Variants in LRCH1 observed in about 807,000 individuals in gnomAD.
LRCH1 encodes leucine rich repeats and calponin homology domain containing 1.
A neutral mutation model predicts 94.9 loss-of-function variants in LRCH1; 23 were observed. The observed-to-expected ratio is 0.24, with a 90% CI of 0.17 to 0.34. The LOEUF (loss-of-function observed/expected upper bound fraction) is 0.34. Ranked by LOEUF, LRCH1 falls within the 10% of genes least tolerant of loss-of-function variation. LRCH1 has a pLI of 1.00. For synonymous variants in LRCH1, 364 were observed against 354.9 expected, an observed-to-expected ratio of 1.03 and a Z score of -0.29; for missense variants, 790 against 945.9, an observed-to-expected ratio of 0.84 and a Z score of 2.16.
chr13:46,722,015 C>CT (rs1181972770), intron 16 of LRCH1, among the ~76,000 whole-genome samples: 1 of 152,146 alleles, frequency 6.6e-6, no homozygotes, highest in Non-Finnish European at 1.5e-5. Context: ...GGACTCAAGT[C>CT]TTTGTATCCA....
chr13:46,606,187 G>C (rs992421099), intron 1 of LRCH1, among the ~76,000 whole-genome samples: 2 of 147,790 alleles, frequency 1.4e-5, no homozygotes, highest in Non-Finnish European at 3.0e-5. Context: ...TGTATAAGTC[G>C]TTCTAAAGTA....
chr13:46,569,657 G>A (rs1292348304), intron 1 of LRCH1, among the ~76,000 whole-genome samples: 1 of 152,028 alleles, frequency 6.6e-6, no homozygotes, highest in Non-Finnish European at 1.5e-5. Flanking sequence ...CAGATCCACA[G>A]GGCCTCTGGT....
chr13:46,560,140 C>CATATATAT (rs58876595), intron 1 of LRCH1, among the ~76,000 whole-genome samples: 3 of 133,800 alleles, frequency 2.2e-5, no homozygotes, highest in Non-Finnish European at 4.9e-5. Flanking sequence ...TCTGTTCCCC[C>CATATATAT]ATATATATAG....
At chr13:46,750,837 ACTTGACAGGTATTTAT>A in exon 19 of LRCH1, 1 of 466,818 alleles carries the variant, frequency 2.1e-6, no homozygotes, top group Non-Finnish European at 3.8e-6. Context: ...CGACTTTAAG[ACTTGACAGGTATTTAT>A]CTTGAAACCA....
At chr13:46,733,810 C>T (rs539231735) in intron 18 of LRCH1, 111 bp from the exon 19 acceptor site, 1 of 587,384 alleles carries the variant, frequency 1.7e-6, no homozygotes, top group Non-Finnish European at 3.0e-6. Flanking sequence ...TTTTCTTTTG[C>T]TCCAATAAAC....
At chr13:46,706,302 AT>A in intron 13 of LRCH1, among the ~76,000 whole-genome samples, 1 of 152,232 alleles carries the variant, frequency 6.6e-6, no homozygotes, top group Non-Finnish European at 1.5e-5. Context: ...TAAAGATCGA[AT>A]TAGGAATTCT....
intron 2 of LRCH1, among the ~76,000 whole-genome samples, chr13:46,656,897 T>C (rs1012249637): frequency 3.3e-5 from 5 of 152,264 alleles, no homozygotes; most frequent in African/African-American, 1.2e-4. Flanking sequence ...CCTTTTAGGA[T>C]AGTTCATATT....
intron 1 of LRCH1, among the ~76,000 whole-genome samples, chr13:46,626,367 A>G (rs2138035353): frequency 2.0e-5 from 3 of 152,276 alleles, no homozygotes; most frequent in African/African-American, 7.2e-5. Context: ...GAAGATCCAC[A>G]AGAGAAGTAA....
At chr13:46,561,630 G>A (rs2050131054) in intron 1 of LRCH1, among the ~76,000 whole-genome samples, 2 of 152,202 alleles carry the variant, frequency 1.3e-5, no homozygotes, top group Non-Finnish European at 2.9e-5. Flanking sequence ...GGTTCAGTCA[G>A]CTTAGCTCTG....
At chr13:46,695,375 T>C (rs1871130160) in intron 9 of LRCH1, among the ~76,000 whole-genome samples, 1 of 152,230 alleles carries the variant, frequency 6.6e-6, no homozygotes, top group Non-Finnish European at 1.5e-5. Context: ...AGTATATTTA[T>C]AGTGTGAAGA....
intron 1 of LRCH1, among the ~76,000 whole-genome samples, chr13:46,630,144 CCACT>C (rs1323466531): frequency 1.3e-5 from 2 of 152,122 alleles, no homozygotes; most frequent in African/African-American, 4.8e-5. Flanking sequence ...TATATTCTTG[CCACT>C]CACTCAATGA....
At chr13:46,745,390 G>C (rs1163056503), downstream of LRCH1, among the ~76,000 whole-genome samples, 1 of 152,066 alleles carries the variant, frequency 6.6e-6, no homozygotes, top group East Asian at 1.9e-4. Context: ...CTGGAAAAGA[G>C]ACCTGACCCT....
chr13:46,592,205 G>C (rs561531234), intron 1 of LRCH1, among the ~76,000 whole-genome samples: 22 of 152,230 alleles, frequency 1.4e-4, no homozygotes, highest in African/African-American at 4.3e-4. Context: ...TCCTGACTTT[G>C]GATTGATCAT....
Position 46,701,102 on chromosome 13 carries a change from G to A in LRCH1, c.1314-19G>A, listed in dbSNP as rs764093110. 2 of 1,510,230 alleles carry A rather than the reference G, an allele frequency of 1.3e-6. No individual in the cohort carries two copies. The highest frequency in any genetic ancestry group is 3.4e-5 in the Admixed American group (2 of 58,282). 93.6% of individuals were successfully genotyped at this position (1,510,230 alleles called of 1,614,324 possible). A position where few individuals can be genotyped will look rare whatever the true frequency, so the allele number is the denominator to read the frequency against. ...TTGTATTGATCGTTTTCATTCTTAT[G>A]CTTGGTTTCACGTTACAGAATAAGT... On this transcript the variant is annotated intron_variant, in intron 10 of 19. Transcript: ENST00000389797.
chr13:46,573,322 G>C (rs775792208), intron 1 of LRCH1, among the ~76,000 whole-genome samples: 34 of 152,156 alleles, frequency 2.2e-4, no homozygotes, highest in African/African-American at 2.4e-5. Flanking sequence ...ATGAAGGCTG[G>C]ACTCTGTGCT....
At chr13:46,676,989 A>G (rs1362999888) in intron 3 of LRCH1, among the ~76,000 whole-genome samples, 30 of 152,130 alleles carry the variant, frequency 2.0e-4, no homozygotes, top group Admixed American at 2.0e-3. Flanking sequence ...AATGTTCTCT[A>G]GGCTGGTCTA....
Position 46,615,752 on chromosome 13 carries a change from C to G in LRCH1, c.308-34449C>G, listed in dbSNP as rs1325252086. Among the ~76,000 whole-genome samples, 3 of 152,162 alleles carry G rather than the reference C, an allele frequency of 2.0e-5. No individual in the cohort carries two copies. The South Asian group carries it at 6.2e-4, about 32-fold the overall frequency. Reference sequence around the variant, plus strand: ...TGGATGTTTTTCAGTTGTATTATCTCCCCATATTTCTGACATGTACAGACG... The same window carrying G: ...TGGATGTTTTTCAGTTGTATTATCTGCCCATATTTCTGACATGTACAGACG... On this transcript the variant is annotated intron_variant, in intron 1 of 19. Coordinates refer to ENST00000389797, the MANE Select transcript of LRCH1 (RefSeq NM_001164211.2).
chr13:46,672,547 C>T (rs940033570), intron 3 of LRCH1, among the ~76,000 whole-genome samples: 7 of 152,072 alleles, frequency 4.6e-5, no homozygotes, highest in African/African-American at 1.2e-4. Context: ...GAGAGTCAGC[C>T]GCATACTAGA....
chr13:46,684,826 A>G (rs1042925580), intron 4 of LRCH1, among the ~76,000 whole-genome samples: 1 of 152,216 alleles, frequency 6.6e-6, no homozygotes, highest in African/African-American at 2.4e-5. Context: ...ACAGTCCCTT[A>G]CATTCCCAGA....
Sources: gnomAD v4.1 joint callset for allele counts (sites outside exome capture counted in the v4.1 genomes callset) on GRCh38, gnomAD v4.1.1 for gene constraint, MANE v1.5 for transcripts, NCBI Gene and HGNC (gene_info 2026-07-23, HGNC 2026-07-21) for gene names.